Variants in COL5A2 observed in about 807,000 individuals in gnomAD.
COL5A2 encodes the protein collagen alpha-2(V) chain.
COL5A2 carries 23 observed loss-of-function variants against 208.2 expected under a neutral mutation model. The observed-to-expected ratio is 0.11, with a 90% CI of 0.08 to 0.16. COL5A2 has a LOEUF of 0.16. Among genes scored for constraint, COL5A2 ranks in the 10% least tolerant of loss-of-function variants. The pLI is 1.00. For missense variants in COL5A2, 1,590 were observed against 1,956.4 expected (o/e 0.81, Z 3.53); for synonymous variants, 625 against 628.5 (o/e 0.99, Z 0.08).
chr2:189,211,584 A>G (rs928994290), intron 1 of COL5A2, among the ~76,000 whole-genome samples: 5 of 152,190 alleles, frequency 3.3e-5, no homozygotes, highest in African/African-American at 1.2e-4. Context: ...CAGACAGTCC[A>G]TATATTTAAA....
intron 1 of COL5A2, among the ~76,000 whole-genome samples, chr2:189,168,241 T>TTC (rs1400782374): frequency 6.6e-5 from 10 of 150,910 alleles, no homozygotes; most frequent in African/African-American, 2.4e-4. Flanking sequence ...GCCCGGGTTT[T>TTC]TTTTTTTTTT....
At chr2:189,295,429 G>A in the COL5A2 span, among the ~76,000 whole-genome samples, 154 of 152,196 alleles carry the variant, frequency 1.0e-3, 2 homozygotes, top group East Asian at 2.7e-3. Context: ...CCAACATGGC[G>A]AAACTAAAAA....
At chr2:189,138,770 A>G (rs1464496239) in intron 1 of COL5A2, among the ~76,000 whole-genome samples, 1 of 152,260 alleles carries the variant, frequency 6.6e-6, no homozygotes, top group Non-Finnish European at 1.5e-5. Context: ...GACACAGAAT[A>G]CAACTGAAAG....
chr2:189,368,484 C>G, the COL5A2 span, among the ~76,000 whole-genome samples: 1 of 152,092 alleles, frequency 6.6e-6, no homozygotes, highest in Non-Finnish European at 1.5e-5. Flanking sequence ...AAATGAAGAT[C>G]GATTCACATT....
chr2:189,098,785 A>G, intron 4 of COL5A2, 26 bp from the exon 5 acceptor site: 1 of 1,600,970 alleles, frequency 6.2e-7, no homozygotes, highest in Non-Finnish European at 8.6e-7. Flanking sequence ...GAAAATTTGT[A>G]AAGGTAAAGT....
the COL5A2 span, among the ~76,000 whole-genome samples, chr2:189,259,926 C>A: frequency 6.6e-6 from 1 of 151,986 alleles, no homozygotes; most frequent in South Asian, 2.1e-4. Context: ...AGACTGAGGT[C>A]CCAGGTACTA....
chr2:189,125,670 T>C (rs1160621497), intron 1 of COL5A2, among the ~76,000 whole-genome samples: 1 of 152,134 alleles, frequency 6.6e-6, no homozygotes, highest in African/African-American at 2.4e-5. Context: ...ATTGTAAGAA[T>C]ACAGTATATA....
At chr2:189,254,230 T>G in the COL5A2 span, among the ~76,000 whole-genome samples, 10 of 152,368 alleles carry the variant, frequency 6.6e-5, no homozygotes, top group African/African-American at 2.4e-4. Context: ...CAATTTAAGA[T>G]AATTTTAACT....
At chr2:189,293,576 T>C in the COL5A2 span, among the ~76,000 whole-genome samples, 1 of 152,054 alleles carries the variant, frequency 6.6e-6, no homozygotes, top group Non-Finnish European at 1.5e-5. Flanking sequence ...AAGAGGGAAT[T>C]AAGTCGTGAA....
the COL5A2 span, among the ~76,000 whole-genome samples, chr2:189,337,020 C>A: frequency 1.3e-5 from 2 of 152,090 alleles, no homozygotes; most frequent in Non-Finnish European, 2.9e-5. Flanking sequence ...TCATTCTTTA[C>A]ATTAATACCA....
rs545487318 is a variant in COL5A2, at chr2:189,051,421, G to A, written c.2830C>T (p.Arg944Cys). The A allele has an allele frequency of 4.3e-6, 7 of 1,613,740 alleles. No individual in the cohort carries two copies. The highest frequency in any genetic ancestry group is 2.2e-5 in the East Asian group (1 of 44,854). Residue 944 changes from arginine (R) to cysteine (C), a missense_variant, in exon 42 of 54, where the codon CGT becomes TGT. Coordinates refer to ENST00000374866, the MANE Select transcript of COL5A2 (RefSeq NM_000393.5). ...EPGKEGPPGL[R>C]GDPGSHGRVG... ...CGCCCATGAGAGCCAGGGTCCCCAC[G>A]AAGACCTGGAGGTCCCTCCTTCCCG...
At chr2:189,406,035 T>C in the COL5A2 span, among the ~76,000 whole-genome samples, 1 of 152,188 alleles carries the variant, frequency 6.6e-6, no homozygotes, top group Non-Finnish European at 1.5e-5. Flanking sequence ...AATATATAGA[T>C]AGCACCTATC....
At chr2:189,346,427 T>C in the COL5A2 span, among the ~76,000 whole-genome samples, 1 of 152,192 alleles carries the variant, frequency 6.6e-6, no homozygotes, top group Non-Finnish European at 1.5e-5. Context: ...TGGTGACATT[T>C]GGAGCTATGT....
At chr2:189,361,355 T>C in the COL5A2 span, among the ~76,000 whole-genome samples, 1 of 152,204 alleles carries the variant, frequency 6.6e-6, no homozygotes, top group Non-Finnish European at 1.5e-5. Context: ...TTCATTATTA[T>C]ATAATGGCCT....
chr2:189,352,068 G>A, the COL5A2 span, among the ~76,000 whole-genome samples: 1 of 151,804 alleles, frequency 6.6e-6, no homozygotes, highest in African/African-American at 2.4e-5. Flanking sequence ...TTCTGTTCTT[G>A]TGTTAGTTTG....
intron 33 of COL5A2, among the ~76,000 whole-genome samples, chr2:189,057,651 A>G (rs1685930693): frequency 6.6e-6 from 1 of 152,202 alleles, no homozygotes; most frequent in Non-Finnish European, 1.5e-5. Flanking sequence ...CTTTTCTCTT[A>G]AGAGGCAATT....
chr2:189,286,517 T>G, the COL5A2 span, among the ~76,000 whole-genome samples: 1 of 152,002 alleles, frequency 6.6e-6, no homozygotes. Flanking sequence ...AGAATTTCCA[T>G]GGGAGGTACT....
chr2:189,056,080 A>C (rs1685895071), intron 35 of COL5A2, among the ~76,000 whole-genome samples: 1 of 152,226 alleles, frequency 6.6e-6, no homozygotes, highest in South Asian at 2.1e-4. Flanking sequence ...AATTACCCTT[A>C]AGATGAAAAT....
the COL5A2 span, among the ~76,000 whole-genome samples, chr2:189,356,609 T>C: frequency 6.6e-6 from 1 of 152,216 alleles, no homozygotes; most frequent in Non-Finnish European, 1.5e-5. Context: ...TTCTCTAAAC[T>C]GATTATTCTA....
Sources: gnomAD v4.1 joint callset for allele counts (sites outside exome capture counted in the v4.1 genomes callset) on GRCh38, gnomAD v4.1.1 for gene constraint, MANE v1.5 for transcripts, NCBI Gene and HGNC (gene_info 2026-07-23, HGNC 2026-07-21) for gene names.